Variants in MYO9A observed in about 807,000 individuals in gnomAD.
MYO9A encodes the protein unconventional myosin-IXa.
A neutral mutation model predicts 293.3 loss-of-function variants in MYO9A; 103 were observed. The observed-to-expected ratio is 0.35, with a 90% CI of 0.30 to 0.41. The LOEUF (loss-of-function observed/expected upper bound fraction) is 0.41, where lower values mean the gene tolerates loss of function less well. Ranked by LOEUF, MYO9A falls within the 10% of genes least tolerant of loss-of-function variation. The probability of loss-of-function intolerance (pLI) is 1.00; values close to 1 mark genes in which losing one functional copy is unlikely to be tolerated. For synonymous variants in MYO9A, 1,001 were observed against 1,035.7 expected (o/e 0.97, Z 0.64); for missense variants, 2,685 against 3,033.0 (o/e 0.89, Z 2.69).
At chr15:72,066,122 C>G (rs2079014006) in intron 1 of MYO9A, among the ~76,000 whole-genome samples, 1 of 152,240 alleles carries the variant, frequency 6.6e-6, no homozygotes, top group South Asian at 2.1e-4. Context: ...GCTGTCCCAG[C>G]TGACCCACAA....
chr15:72,022,830 G>A (rs559659214), intron 4 of MYO9A, among the ~76,000 whole-genome samples: 13 of 152,048 alleles, frequency 8.5e-5, no homozygotes, highest in South Asian at 2.1e-4. Context: ...GATTACAAGC[G>A]TGAGTCACCA....
chr15:72,084,413 G>GT lies in MYO9A; in HGVS notation c.-72+33266dup, dbSNP rs1160094137. Among the ~76,000 whole-genome samples the GT allele has an allele frequency of 8.5e-5, 13 of 152,100 alleles. No individual in the cohort carries two copies. In the East Asian group the frequency reaches 2.3e-3, roughly 27 times the overall value. On this transcript the variant is annotated intron_variant, in intron 1 of 41. Transcript: ENST00000356056. ...CATAGGAGATGCACTACACACCTTA[G>GT]TTTTTTTATCCAATTTCTCACTCTG...
chr15:71,956,330 A>AAAAATATAT (rs10642655), intron 14 of MYO9A, among the ~76,000 whole-genome samples: 1 of 75,584 alleles, frequency 1.3e-5, no homozygotes, highest in African/African-American at 6.0e-5. Flanking sequence ...AAAAAAAAAA[A>AAAAATATAT]ATATATATAT....
rs2054376757 is a variant in MYO9A at position 71,824,201 on chromosome 15, G to GT, written c.*2378dup. The GT allele has an allele frequency of 6.6e-6, 1 of 152,006 alleles. No individual in the cohort carries two copies. The highest frequency in any genetic ancestry group is 1.5e-5 in the Non-Finnish European group (1 of 68,006). The allele number at this position is 152,006 out of a possible 1,614,324, so 9.4% of individuals were successfully genotyped here. A position where few individuals can be genotyped will look rare whatever the true frequency, so the allele number is the denominator to read the frequency against. Reference sequence around the variant, plus strand: ...ACAAATCTAGCAACTGAAAAAACAAGTTTTTTTAATTGAATTTTATCCAAA... The same window carrying GT: ...ACAAATCTAGCAACTGAAAAAACAAGTTTTTTTTAATTGAATTTTATCCAAA... On this transcript the variant is annotated 3_prime_UTR_variant, in exon 42 of 42. Transcript: ENST00000356056.
intron 8 of MYO9A, among the ~76,000 whole-genome samples, chr15:72,004,323 C>G (rs1419975130): frequency 3.3e-5 from 5 of 152,194 alleles, no homozygotes; most frequent in African/African-American, 1.2e-4. Context: ...TTTGGGAGGC[C>G]AAGGCGGGTG....
At chr15:72,080,582 G>C (rs944537811) in intron 1 of MYO9A, among the ~76,000 whole-genome samples, 19 of 151,444 alleles carry the variant, frequency 1.3e-4, no homozygotes, top group African/African-American at 4.6e-4. Flanking sequence ...TAAAAAGTGA[G>C]GTCTAAATTG....
At chr15:71,943,539 G>T (rs977309723) in intron 15 of MYO9A, among the ~76,000 whole-genome samples, 1 of 151,860 alleles carries the variant, frequency 6.6e-6, no homozygotes, top group South Asian at 2.1e-4. Flanking sequence ...ATTTTTATTG[G>T]AATAAAAATT....
intron 32 of MYO9A, among the ~76,000 whole-genome samples, chr15:71,874,191 A>G (rs2056608451): frequency 6.6e-6 from 1 of 152,262 alleles, no homozygotes; most frequent in Non-Finnish European, 1.5e-5. Context: ...GCTGCAAGTA[A>G]GGATGTAAAA....
At chr15:72,103,576 G>A (rs1333387538) in intron 1 of MYO9A, among the ~76,000 whole-genome samples, 1 of 149,908 alleles carries the variant, frequency 6.7e-6, no homozygotes, top group Non-Finnish European at 1.5e-5. Flanking sequence ...CAGAAGCAGT[G>A]GAAGCAGAAG....
chr15:72,026,428 T>C (rs1211142967), intron 4 of MYO9A, among the ~76,000 whole-genome samples: 1 of 149,140 alleles, frequency 6.7e-6, no homozygotes, highest in Non-Finnish European at 1.5e-5. Flanking sequence ...AACAAAACAC[T>C]ACACCAATAC....
intron 17 of MYO9A, among the ~76,000 whole-genome samples, chr15:71,934,186 TAAATC>T (rs1329626546): frequency 1.3e-5 from 2 of 152,140 alleles, no homozygotes; most frequent in African/African-American, 4.8e-5. Context: ...ATACCATACT[TAAATC>T]AAGTCTTTTT....
chr15:71,910,125 C>T (rs571299828), intron 19 of MYO9A, among the ~76,000 whole-genome samples: 45 of 115,008 alleles, frequency 3.9e-4, no homozygotes, highest in East Asian at 8.5e-4. Flanking sequence ...TGTATATATA[C>T]ACGTGTATAT....
chr15:71,874,985 CCTA>C, intron 32 of MYO9A, among the ~76,000 whole-genome samples: 1 of 152,260 alleles, frequency 6.6e-6, no homozygotes, highest in African/African-American at 2.4e-5. Context: ...TTGTATTATT[CCTA>C]CTATAATATT....
At position 72,100,651 on chromosome 15, in the gene MYO9A, G is replaced by A. The variant is rs1206227258; in HGVS notation, c.-72+17029C>T. ...GTGAGGAGCACCTCTGCCCCGCCAC[G>A]ACCCCGTCTGGGAGGTGAGGAGCAT... On this transcript the variant is annotated intron_variant, in intron 1 of 41. Transcript: ENST00000356056. Among the ~76,000 whole-genome samples, 301 of 140,678 alleles carry A rather than the reference G, an allele frequency of 2.1e-3. 4 individuals carry two copies. Among genetic ancestry groups the A allele is most frequent in the African/African-American group, 7.9e-3 (297 of 37,414 alleles). The allele number at this position is 140,678 out of a possible 152,430, so 92.3% of individuals were successfully genotyped here. A position where few individuals can be genotyped will look rare whatever the true frequency, so the allele number is the denominator to read the frequency against.
At chr15:71,828,488 C>T (rs1385530684) in intron 40 of MYO9A, among the ~76,000 whole-genome samples, 2 of 152,152 alleles carry the variant, frequency 1.3e-5, no homozygotes, top group Non-Finnish European at 2.9e-5. Flanking sequence ...TACTAACTGG[C>T]TATAGACGAT....
chr15:71,935,251 T>A, intron 17 of MYO9A, 90 bp downstream of exon 17: 2 of 1,329,848 alleles, frequency 1.5e-6, no homozygotes, highest in Non-Finnish European at 2.0e-6. Context: ...CATTTCACCA[T>A]CTTCCTTCTT....
At chr15:72,088,780 T>C (rs1231638934) in intron 1 of MYO9A, among the ~76,000 whole-genome samples, 1 of 152,182 alleles carries the variant, frequency 6.6e-6, no homozygotes, top group Non-Finnish European at 1.5e-5. Context: ...TTCCCTGAGT[T>C]TGGAAAACTC....
intron 34 of MYO9A, 62 bp from the exon 35 acceptor site, chr15:71,854,631 A>G: frequency 1.5e-6 from 2 of 1,330,476 alleles, no homozygotes; most frequent in Non-Finnish European, 2.0e-6. Flanking sequence ...ATGTTTAACC[A>G]TTTCTTTACC....
chr15:71,908,909 A>T (rs2057753599), intron 19 of MYO9A, among the ~76,000 whole-genome samples: 1 of 152,058 alleles, frequency 6.6e-6, no homozygotes, highest in Non-Finnish European at 1.5e-5. Flanking sequence ...TGCTCTGCCT[A>T]CTCATCCTCC....
Sources: gnomAD v4.1 joint callset for allele counts (sites outside exome capture counted in the v4.1 genomes callset) on GRCh38, gnomAD v4.1.1 for gene constraint, MANE v1.5 for transcripts, NCBI Gene and HGNC (gene_info 2026-07-23, HGNC 2026-07-21) for gene names.